XK: variants seen among roughly 807,000 people sequenced by gnomAD.
XK encodes X-linked Kx blood group antigen, Kell and VPS13A binding protein, also known as endoplasmic reticulum membrane adapter protein XK.
XK carries 2 observed loss-of-function variants against 14.0 expected under a neutral mutation model. The ratio of observed to expected loss-of-function variants is 0.14; its 90% CI spans 0.06 to 0.45. The LOEUF is 0.45. XK is among the 20% of genes least tolerant of loss of function. XK has a pLI of 0.98. For synonymous variants in XK, 149 were observed against 147.5 expected (o/e 1.01, Z -0.08); for missense variants, 235 against 341.5 (o/e 0.69, Z 2.46).
chrX:37,686,198 C>T lies in XK; in HGVS notation c.237C>T (p.Pro79=). The change falls in exon 1 of 3, where the codon CCC becomes CCT. Residue 79 remains proline, a synonymous_variant. Transcript: ENST00000378616. ...VLLLHLLQLG[P]LFRCFEVFCI... is the part of the protein sequence containing the mutation. ...TGCTGCACCTGCTGCAACTTGGGCC[C>T]CTTTTCAGGTGCGTGCAGAAGCCCA... The T allele has an allele frequency of 2.5e-6, 3 of 1,207,734 alleles. No individual in the cohort carries two copies. The highest frequency in any genetic ancestry group is 3.4e-6 in the Non-Finnish European group (3 of 894,630).
intron 2 of XK, 148 bp from the exon 3 acceptor site, chrX:37,727,488 A>G (rs1191178185): frequency 1.5e-5 from 8 of 537,166 alleles, no homozygotes; most frequent in Non-Finnish European, 2.2e-5. Context: ...ACTCAAGCAC[A>G]GTGGGCAGAT....
intron 1 of XK, 118 bp from the exon 2 acceptor site, chrX:37,694,168 A>G (rs782211366): frequency 1.4e-5 from 13 of 939,063 alleles, no homozygotes; most frequent in African/African-American, 7.8e-5. Flanking sequence ...AAGAGTGACT[A>G]TAGTTCAGAG....
At chrX:37,705,406 C>T (rs1189600288) in intron 2 of XK, among the ~76,000 whole-genome samples, 1 of 108,456 alleles carries the variant, frequency 9.2e-6, no homozygotes, top group Non-Finnish European at 1.9e-5. Context: ...GAGCCGAGCT[C>T]GCGCCACTGG....
chrX:37,708,033 A>G lies in XK; in HGVS notation c.508+13485A>G, dbSNP rs782133040. Reference sequence around the variant, plus strand: ...AGCCCGGCCAACACAGCGAAACCCCATCTCCACCAAAAAAATACGAAAACC... The same window carrying G: ...AGCCCGGCCAACACAGCGAAACCCCGTCTCCACCAAAAAAATACGAAAACC... On this transcript the variant is annotated intron_variant, in intron 2 of 2. Transcript: ENST00000378616. Among the ~76,000 whole-genome samples the G allele has an allele frequency of 5.1e-4, 57 of 112,379 alleles. No individual in the cohort carries two copies. The East Asian group carries it at 0.012, about 24-fold the overall frequency.
chrX:37,730,959 A>C lies in XK; in HGVS notation c.*2497A>C, dbSNP rs1413508464. The C allele has an allele frequency of 8.9e-6, 1 of 111,799 alleles. No individual in the cohort carries two copies. The highest frequency in any genetic ancestry group is 3.3e-5 in the African/African-American group (1 of 30,721). 9.2% of individuals were successfully genotyped at this position (111,799 alleles called of 1,213,427 possible). On this transcript the variant is annotated 3_prime_UTR_variant, in exon 3 of 3. Transcript: ENST00000378616. Reference sequence around the variant, plus strand: ...TTGTCAGTTTTAACCCTTAATATACAGGTATCCCAGCTTTGGGCACATGTA... The same window carrying C: ...TTGTCAGTTTTAACCCTTAATATACCGGTATCCCAGCTTTGGGCACATGTA...
chrX:37,690,794 C>T (rs1416574960), intron 1 of XK, among the ~76,000 whole-genome samples: 2 of 111,868 alleles, frequency 1.8e-5, no homozygotes, highest in African/African-American at 6.5e-5. Context: ...AATTTGCTGT[C>T]CCTTGGTGTA....
intron 1 of XK, among the ~76,000 whole-genome samples, chrX:37,692,371 A>G (rs1417462556): frequency 9.0e-6 from 1 of 110,813 alleles, no homozygotes; most frequent in Non-Finnish European, 1.9e-5. Flanking sequence ...CATTCATCTC[A>G]TATTTGAGAA....
chrX:37,708,072 G>A (rs782786625), intron 2 of XK, among the ~76,000 whole-genome samples: 108 of 112,416 alleles, frequency 9.6e-4, no homozygotes, highest in African/African-American at 3.4e-3. Context: ...CAGGCGTGGC[G>A]GCGGGCGCCT....
At chrX:37,699,196 G>A (rs781943483) in intron 2 of XK, among the ~76,000 whole-genome samples, 27 of 112,263 alleles carry the variant, frequency 2.4e-4, no homozygotes, top group Non-Finnish European at 4.7e-4. Context: ...TTAAGAATGC[G>A]TAAGTGGAAC....
At position 37,731,617 on chromosome X, in the gene XK, TAAG is replaced by T. The variant is rs1928090181; in HGVS notation, c.*3156_*3158del. On this transcript the variant is annotated 3_prime_UTR_variant, in exon 3 of 3. Transcript: ENST00000378616. ...TATTTTTTTACTGTTTGAAAAGAAATAAGTAGTGTCATTCATATGAGTTCCTGA... is the reference window on the plus strand; with the variant it reads ...TATTTTTTTACTGTTTGAAAAGAAATTAGTGTCATTCATATGAGTTCCTGA... 1 of 112,217 alleles carries T rather than the reference TAAG, an allele frequency of 8.9e-6. No homozygotes were observed. The highest frequency in any genetic ancestry group is 3.2e-5 in the African/African-American group (1 of 30,914). 9.2% of individuals were successfully genotyped at this position (112,217 alleles called of 1,213,427 possible).
intron 2 of XK, among the ~76,000 whole-genome samples, chrX:37,698,351 CT>C (rs1423022148): frequency 6.4e-5 from 7 of 109,327 alleles, no homozygotes; most frequent in Non-Finnish European, 3.8e-5. Context: ...ACCTGTGATC[CT>C]AGCACTTTAG....
At chrX:37,706,069 A>T (rs1556445087) in intron 2 of XK, among the ~76,000 whole-genome samples, 1 of 111,786 alleles carries the variant, frequency 8.9e-6, no homozygotes, top group Non-Finnish European at 1.9e-5. Context: ...AGGTGAAAGA[A>T]CAAATCTTTC....
At chrX:37,723,195 G>A (rs1274800171) in intron 2 of XK, among the ~76,000 whole-genome samples, 3 of 111,521 alleles carry the variant, frequency 2.7e-5, no homozygotes, top group Non-Finnish European at 5.7e-5. Flanking sequence ...ACTTAAATAG[G>A]CAGTACTGCC....
intron 2 of XK, among the ~76,000 whole-genome samples, chrX:37,713,445 A>G (rs56098079): frequency 0.063 from 7,064 of 111,486 alleles, 563 homozygotes; most frequent in African/African-American, 0.22. Context: ...AGAAGAGAAG[A>G]TATAGACCCT....
At chrX:37,706,704 G>A (rs1927533364) in intron 2 of XK, among the ~76,000 whole-genome samples, 1 of 108,952 alleles carries the variant, frequency 9.2e-6, no homozygotes, top group Non-Finnish European at 1.9e-5. Flanking sequence ...AGGGTCATAG[G>A]ACAATAGTGG....
rs1306369884 is a variant in XK at position 37,727,821 on chromosome X, G to A, written c.694G>A (p.Val232Ile). The change falls in exon 3 of 3, where the codon GTC (valine) becomes ATC (isoleucine). Residue 232 changes from valine (V) to isoleucine (I), a missense_variant. By Grantham distance (29) the Val-to-Ile change is conservative (BLOSUM62 3). Transcript: ENST00000378616. ...RVVVLVLFTS[V>I]LKTWVVVIIL... is the part of the protein sequence containing the mutation. ...TGTAGTCCTGGTCCTCTTTACCTCCGTCCTGAAGACCTGGGTGGTGGTTAT... is the reference window on the plus strand; with the variant it reads ...TGTAGTCCTGGTCCTCTTTACCTCCATCCTGAAGACCTGGGTGGTGGTTAT... 7.4e-6 allele frequency: 9 copies of A among 1,210,964 alleles called. No homozygotes were observed. In the East Asian group the frequency reaches 8.9e-5, roughly 12 times the overall value.
At chrX:37,705,255 C>T (rs1394064581) in intron 2 of XK, among the ~76,000 whole-genome samples, 3 of 108,230 alleles carry the variant, frequency 2.8e-5, no homozygotes, top group Non-Finnish European at 5.7e-5. Flanking sequence ...ACCATCCTGG[C>T]TAACATGGTG....
chrX:37,708,483 T>C (rs1160633262), intron 2 of XK, among the ~76,000 whole-genome samples: 1 of 112,161 alleles, frequency 8.9e-6, no homozygotes, highest in Admixed American at 9.4e-5. Flanking sequence ...TTCAGACTTC[T>C]GATCTCCAGA....
chrX:37,686,863 CTG>C (rs782557146), intron 1 of XK, among the ~76,000 whole-genome samples: 128 of 111,443 alleles, frequency 1.1e-3, no homozygotes, highest in African/African-American at 4.0e-3. Context: ...ACAAAACTTG[CTG>C]TGTGTTAAGT....
Sources: allele counts gnomAD v4.1 joint callset (sites outside exome capture counted in the v4.1 genomes callset), GRCh38; gene constraint gnomAD v4.1.1; transcripts MANE v1.5; gene names NCBI Gene and HGNC (gene_info 2026-07-23, HGNC 2026-07-21).